The following RBFOX1 variants were observed in gnomAD, a reference collection of about 807,000 sequenced individuals.
RBFOX1 encodes the protein RNA binding protein fox-1 homolog 1.
Under a neutral mutation model 57.7 loss-of-function variants are expected in RBFOX1, and 8 were observed. That is an observed-to-expected ratio of 0.14 (90% CI 0.08 to 0.25). The LOEUF (loss-of-function observed/expected upper bound fraction) is 0.25, where lower values mean the gene tolerates loss of function less well. Ranked by LOEUF, RBFOX1 falls within the 10% of genes least tolerant of loss-of-function variation. The pLI, the probability that RBFOX1 is intolerant of heterozygous loss-of-function variation, is 1.00. For synonymous variants in RBFOX1, 326 were observed against 222.4 expected, an observed-to-expected ratio of 1.47 and a Z score of -4.15; for missense variants, 611 against 548.5, an observed-to-expected ratio of 1.11 and a Z score of -1.14.
In RBFOX1 at chr16:7,611,891, A is replaced by C. The variant is rs149722626; in HGVS notation, c.676+4553A>C. ...GTGCCAGTCTTCAGAGCAGATACAC[A>C]TACATCAGCACATCCCATGACATAT... On this transcript the variant is annotated intron_variant, in intron 10 of 15. Transcript: ENST00000550418. Among the ~76,000 whole-genome samples the C allele has an allele frequency of 2.4e-4, 36 of 152,338 alleles. 1 individual carries two copies. The East Asian group carries it at 6.8e-3, about 29-fold the overall frequency.
At chr16:6,894,223 T>C (rs2066213036) in intron 3 of RBFOX1, among the ~76,000 whole-genome samples, 1 of 152,226 alleles carries the variant, frequency 6.6e-6, no homozygotes, top group Admixed American at 6.5e-5. Context: ...ACTTCTGCAT[T>C]TTCTGTCACA....
intron 1 of RBFOX1, among the ~76,000 whole-genome samples, chr16:5,297,838 T>G (rs2063706097): frequency 1.3e-5 from 2 of 152,238 alleles, no homozygotes; most frequent in Non-Finnish European, 2.9e-5. Flanking sequence ...AGTCACATTA[T>G]GAAACACTTA....
At chr16:6,629,048 G>A (rs1325654028) in intron 2 of RBFOX1, among the ~76,000 whole-genome samples, 1 of 152,066 alleles carries the variant, frequency 6.6e-6, no homozygotes, top group Non-Finnish European at 1.5e-5. Flanking sequence ...AAAAGAATCA[G>A]CATACATACT....
intron 13 of RBFOX1, among the ~76,000 whole-genome samples, chr16:7,667,875 T>C (rs1323752764): frequency 6.6e-6 from 1 of 152,102 alleles, no homozygotes; most frequent in Non-Finnish European, 1.5e-5. Context: ...GATTTCACCA[T>C]GTTGGCCAGG....
chr16:6,797,618 A>C (rs1603625883), intron 3 of RBFOX1, among the ~76,000 whole-genome samples: 1 of 152,160 alleles, frequency 6.6e-6, no homozygotes, highest in Non-Finnish European at 1.5e-5. Flanking sequence ...CAGCATTAAC[A>C]ATAGCATACT....
At chr16:6,321,857 T>A (rs1307656929) in intron 2 of RBFOX1, among the ~76,000 whole-genome samples, 1 of 152,220 alleles carries the variant, frequency 6.6e-6, no homozygotes, top group Non-Finnish European at 1.5e-5. Context: ...CACTTCTACG[T>A]TGGTAGGTTT....
chr16:7,678,272 T>C (rs2073898626), intron 14 of RBFOX1, among the ~76,000 whole-genome samples: 1 of 152,198 alleles, frequency 6.6e-6, no homozygotes, highest in Non-Finnish European at 1.5e-5. Flanking sequence ...ATGTGTTTCA[T>C]GTAAGTTGTT....
chr16:6,132,703 C>T (rs370982777), intron 1 of RBFOX1, among the ~76,000 whole-genome samples: 112 of 152,122 alleles, frequency 7.4e-4, no homozygotes, highest in African/African-American at 2.6e-3. Flanking sequence ...AAAGTGAGAT[C>T]TCTTTCTTCA....
chr16:5,796,680 C>G (rs1186760690), intron 3 of RBFOX1, among the ~76,000 whole-genome samples: 1 of 152,156 alleles, frequency 6.6e-6, no homozygotes, highest in East Asian at 1.9e-4. Context: ...TACTCTTACC[C>G]CATTTTACGG....
intron 1 of RBFOX1, among the ~76,000 whole-genome samples, chr16:6,255,830 GA>G (rs1249708073): frequency 6.6e-6 from 1 of 151,952 alleles, no homozygotes; most frequent in Non-Finnish European, 1.5e-5. Flanking sequence ...TGATAAGAGG[GA>G]GTTGAACAAT....
At chr16:5,422,849 GA>G (rs1454197153) in intron 1 of RBFOX1, among the ~76,000 whole-genome samples, 1 of 133,286 alleles carries the variant, frequency 7.5e-6, no homozygotes, top group Non-Finnish European at 1.6e-5. Context: ...CAGAGAGAAG[GA>G]GGAGAAAGGA....
At chr16:5,497,638 A>AAT (rs71142625) in intron 2 of RBFOX1, among the ~76,000 whole-genome samples, 8 of 139,446 alleles carry the variant, frequency 5.7e-5, no homozygotes, top group African/African-American at 8.9e-5. Flanking sequence ...AAAAAAAAAA[A>AAT]GCTGGGCATG....
At chr16:7,339,107 G>A (rs1318267758) in intron 4 of RBFOX1, among the ~76,000 whole-genome samples, 1 of 152,152 alleles carries the variant, frequency 6.6e-6, no homozygotes. Context: ...TTGATATATA[G>A]GCTCTGGCAT....
intron 2 of RBFOX1, among the ~76,000 whole-genome samples, chr16:6,505,764 G>A (rs555167785): frequency 6.6e-6 from 1 of 152,228 alleles, no homozygotes; most frequent in Admixed American, 6.5e-5. Context: ...ACATACGTAA[G>A]AGTGGTACAT....
At chr16:6,478,812 G>C (rs559928104) in intron 2 of RBFOX1, among the ~76,000 whole-genome samples, 2 of 152,006 alleles carry the variant, frequency 1.3e-5, no homozygotes, top group Non-Finnish European at 2.9e-5. Flanking sequence ...CATCTTATAT[G>C]GGCACAGTTT....
chr16:5,692,193 G>T (rs1006528461), intron 3 of RBFOX1, among the ~76,000 whole-genome samples: 1 of 149,184 alleles, frequency 6.7e-6, no homozygotes, highest in African/African-American at 2.6e-5. Context: ...GTGTGTGTGT[G>T]TGTGTGTGTG....
At chr16:7,437,945 T>C (rs1218660135) in intron 4 of RBFOX1, among the ~76,000 whole-genome samples, 1 of 151,980 alleles carries the variant, frequency 6.6e-6, no homozygotes, top group Non-Finnish European at 1.5e-5. Flanking sequence ...TCAATTTAAA[T>C]TCTTTTAAAA....
At chr16:5,700,039 A>G (rs538931092) in intron 3 of RBFOX1, among the ~76,000 whole-genome samples, 117 of 152,178 alleles carry the variant, frequency 7.7e-4, no homozygotes, top group African/African-American at 2.7e-3. Flanking sequence ...TTACCGTGTT[A>G]GCCAGGATGG....
At chr16:6,770,340 AG>A in intron 3 of RBFOX1, among the ~76,000 whole-genome samples, 1 of 152,310 alleles carries the variant, frequency 6.6e-6, no homozygotes, top group South Asian at 2.1e-4. Flanking sequence ...TTAATGCAAC[AG>A]GGCAGGGGTT....
Sources: allele counts gnomAD v4.1 joint callset (sites outside exome capture counted in the v4.1 genomes callset), GRCh38; gene constraint gnomAD v4.1.1; transcripts MANE v1.5; gene names NCBI Gene and HGNC (gene_info 2026-07-23, HGNC 2026-07-21).